SUCLG2: variants seen among roughly 807,000 people sequenced by gnomAD.
SUCLG2 encodes succinate--CoA ligase [GDP-forming] subunit beta, mitochondrial.
Under a neutral mutation model 47.9 loss-of-function variants are expected in SUCLG2, and 42 were observed. That is an observed-to-expected ratio of 0.88 (90% CI 0.69 to 1.14). The LOEUF (loss-of-function observed/expected upper bound fraction) is 1.14, where lower values mean the gene tolerates loss of function less well. Ranked by LOEUF, SUCLG2 falls within the 50% of genes most tolerant of loss-of-function variation. SUCLG2 has a pLI of 0.00. For synonymous variants in SUCLG2, 195 were observed against 197.3 expected (o/e 0.99, Z 0.10); for missense variants, 571 against 525.9 (o/e 1.09, Z -0.84).
intron 1 of SUCLG2, among the ~76,000 whole-genome samples, chr3:67,651,549 G>A (rs1254427827): frequency 6.6e-6 from 1 of 152,156 alleles, no homozygotes; most frequent in Non-Finnish European, 1.5e-5. Flanking sequence ...TTCACCTAAA[G>A]TACAAAACTG....
chr3:67,533,300 T>C (rs2107156049), intron 2 of SUCLG2, among the ~76,000 whole-genome samples: 1 of 152,342 alleles, frequency 6.6e-6, no homozygotes, highest in East Asian at 1.9e-4. Context: ...CTTTCCTAAA[T>C]GCTAAATGTA....
intron 2 of SUCLG2, among the ~76,000 whole-genome samples, chr3:67,581,112 A>G (rs910423253): frequency 3.3e-5 from 5 of 152,204 alleles, no homozygotes; most frequent in Non-Finnish European, 2.9e-5. Flanking sequence ...CACTTTTCTA[A>G]TAAAGATATT....
At chr3:67,620,831 G>A (rs1700724256) in intron 1 of SUCLG2, among the ~76,000 whole-genome samples, 1 of 152,158 alleles carries the variant, frequency 6.6e-6, no homozygotes, top group Non-Finnish European at 1.5e-5. Flanking sequence ...GGAGTATGGT[G>A]ACAGAGGAGC....
intron 7 of SUCLG2, among the ~76,000 whole-genome samples, chr3:67,506,174 T>C (rs563086586): frequency 2.0e-5 from 3 of 152,318 alleles, no homozygotes; most frequent in East Asian, 1.9e-4. Context: ...ATTATCAATA[T>C]TGCTAAAATA....
rs371987263 is a variant in SUCLG2, at chr3:67,522,910, C to T, written c.418-2276G>A. On this transcript the variant is annotated intron_variant, in intron 4 of 10. Transcript: ENST00000307227. ...CAATCTCCTGACCTCGTGATCCGCC[C>T]GCCTCGGCCTCCCAAAGTGCTGGGA... Among the ~76,000 whole-genome samples the T allele has an allele frequency of 2.8e-4, 43 of 152,024 alleles. 1 individual carries two copies. The South Asian group carries it at 4.8e-3, about 17-fold the overall frequency.
intron 9 of SUCLG2, among the ~76,000 whole-genome samples, chr3:67,435,661 G>C (rs1210995264): frequency 6.6e-6 from 1 of 152,182 alleles, no homozygotes; most frequent in Non-Finnish European, 1.5e-5. Flanking sequence ...GAATAGGAAA[G>C]CTAGTGAAAG....
intron 9 of SUCLG2, chr3:67,408,733 G>A (rs906388582): frequency 1.2e-5 from 16 of 1,320,008 alleles, no homozygotes; most frequent in African/African-American, 9.0e-5. Context: ...GAGGATTAAG[G>A]TTTATTGAGT....
chr3:67,406,419 T>C (rs996696859), intron 9 of SUCLG2, among the ~76,000 whole-genome samples: 3 of 152,134 alleles, frequency 2.0e-5, no homozygotes, highest in Admixed American at 6.5e-5. Context: ...AAATGCTAGG[T>C]CCTATGTGAG....
intron 9 of SUCLG2, among the ~76,000 whole-genome samples, chr3:67,410,525 T>A (rs936247964): frequency 1.3e-5 from 2 of 152,210 alleles, no homozygotes; most frequent in African/African-American, 4.8e-5. Context: ...AGTTCCCGTA[T>A]CCTTTTGAAC....
chr3:67,481,488 G>A lies in SUCLG2; in HGVS notation c.1062+14310C>T, dbSNP rs572409180. On this transcript the variant is annotated intron_variant, in intron 9 of 10. Transcript: ENST00000307227. ...TTTGTCTGTCCCTACTTTAGACCAG[G>A]GCTTTTCAAACTCTAACGTGCACAG... 9.2e-5 allele frequency among the ~76,000 whole-genome samples: 14 copies of A among 152,306 alleles called. No individual in the cohort carries two copies. In the South Asian group the frequency reaches 1.2e-3, roughly 14 times the overall value.
intron 2 of SUCLG2, among the ~76,000 whole-genome samples, chr3:67,599,207 T>C (rs192670972): frequency 2.0e-5 from 3 of 152,318 alleles, no homozygotes; most frequent in Admixed American, 1.3e-4. Context: ...GAAGCTATCG[T>C]GGAGCAAATG....
chr3:67,399,006 C>A (rs186952334), intron 10 of SUCLG2, among the ~76,000 whole-genome samples: 4,806 of 124,036 alleles, frequency 0.039, 156 homozygotes, highest in South Asian at 0.16. Flanking sequence ...GAACATCACA[C>A]TCTGGGGACT....
intron 1 of SUCLG2, among the ~76,000 whole-genome samples, chr3:67,652,160 GA>G (rs778689684): frequency 0.015 from 1,463 of 99,276 alleles, 20 homozygotes; most frequent in African/African-American, 0.044. Context: ...CAGCAAAGGT[GA>G]AAAAAAAAAA....
intron 8 of SUCLG2, 150 bp from the exon 9 acceptor site, chr3:67,496,090 G>T: frequency 1.1e-6 from 1 of 917,236 alleles, no homozygotes; most frequent in Non-Finnish European, 1.6e-6. Flanking sequence ...AACCAGATTA[G>T]TTCATAGACT....
chr3:67,432,605 T>C (rs1203783997), intron 9 of SUCLG2, among the ~76,000 whole-genome samples: 4 of 152,224 alleles, frequency 2.6e-5, no homozygotes, highest in Admixed American at 6.5e-5. Context: ...CTTAGAAGCT[T>C]CATTTAAGAT....
chr3:67,648,791 C>T (rs1701236505), intron 1 of SUCLG2, among the ~76,000 whole-genome samples: 4 of 152,180 alleles, frequency 2.6e-5, no homozygotes, highest in Admixed American at 2.0e-4. Flanking sequence ...CACATCATCC[C>T]TCAACTTCTC....
At chr3:67,426,290 C>T (rs562292127) in intron 9 of SUCLG2, among the ~76,000 whole-genome samples, 1 of 152,092 alleles carries the variant, frequency 6.6e-6, no homozygotes, top group South Asian at 2.1e-4. Context: ...TGTACAATAA[C>T]CAAAACATAC....
intron 10 of SUCLG2, among the ~76,000 whole-genome samples, chr3:67,385,790 T>C (rs1320993824): frequency 6.6e-6 from 1 of 152,238 alleles, no homozygotes; most frequent in Non-Finnish European, 1.5e-5. Context: ...TCAGTCTATT[T>C]TATTTCTTAC....
intron 10 of SUCLG2, among the ~76,000 whole-genome samples, chr3:67,362,939 C>T (rs982526449): frequency 1.3e-5 from 2 of 152,086 alleles, no homozygotes; most frequent in Non-Finnish European, 2.9e-5. Flanking sequence ...TAGAGCTCCC[C>T]GTGAGATGGG....
Sources: gnomAD v4.1 joint callset for allele counts (sites outside exome capture counted in the v4.1 genomes callset) on GRCh38, gnomAD v4.1.1 for gene constraint, MANE v1.5 for transcripts, NCBI Gene and HGNC (gene_info 2026-07-23, HGNC 2026-07-21) for gene names.